RGS7: variants seen among roughly 807,000 people sequenced by gnomAD.
RGS7 encodes regulator of G-protein signaling 7.
Under a neutral mutation model 81.1 loss-of-function variants are expected in RGS7, and 27 were observed. The observed-to-expected ratio is 0.33, with a 90% confidence interval of 0.25 to 0.46. The LOEUF (loss-of-function observed/expected upper bound fraction) is 0.46, where lower values mean the gene tolerates loss of function less well. Among genes scored for constraint, RGS7 ranks in the 20% least tolerant of loss-of-function variants. RGS7 has a pLI of 1.00. For missense variants in RGS7, 396 were observed against 607.4 expected (o/e 0.65, Z 3.66); for synonymous variants, 208 against 207.7 (o/e 1.00, Z -0.01).
chr1:241,087,681 G>A lies in RGS7; in HGVS notation c.175+10985C>T, dbSNP rs141720560. Among the ~76,000 whole-genome samples, 917 of 152,186 alleles carry A rather than the reference G, an allele frequency of 6.0e-3. 9 individuals carry two copies. Among genetic ancestry groups the A allele is most frequent in the African/African-American group, 0.02 (838 of 41,514 alleles). On this transcript the variant is annotated intron_variant, in intron 3 of 18. Coordinates refer to ENST00000440928, the MANE Select transcript of RGS7 (RefSeq NM_001364886.1). Reference sequence around the variant, plus strand: ...ACCATATAAGAGGCTGGGTGCGGTGGCTCAGGCCTGTAACCCCAGCACTTT... The same window carrying A: ...ACCATATAAGAGGCTGGGTGCGGTGACTCAGGCCTGTAACCCCAGCACTTT...
intron 2 of RGS7, among the ~76,000 whole-genome samples, chr1:241,257,006 ATGTG>A (rs536255074): frequency 2.6e-5 from 4 of 151,494 alleles, no homozygotes; most frequent in Non-Finnish European, 5.9e-5. Flanking sequence ...ATGTGTATAT[ATGTG>A]TGTGTGTGTA....
chr1:240,973,397 C>G (rs1427543342), intron 4 of RGS7, among the ~76,000 whole-genome samples: 1 of 151,498 alleles, frequency 6.6e-6, no homozygotes, highest in Non-Finnish European at 1.5e-5. Context: ...CTAATCCCAG[C>G]TACTCAGGAG....
At chr1:241,272,410 C>T (rs1006069796) in intron 2 of RGS7, among the ~76,000 whole-genome samples, 2 of 152,184 alleles carry the variant, frequency 1.3e-5, no homozygotes, top group African/African-American at 2.4e-5. Flanking sequence ...TGTCCTCAAA[C>T]ATGCCAGGAT....
intron 3 of RGS7, among the ~76,000 whole-genome samples, chr1:241,077,998 T>C (rs965527327): frequency 2.0e-5 from 3 of 151,846 alleles, no homozygotes; most frequent in Non-Finnish European, 4.4e-5. Flanking sequence ...CACAGACCAC[T>C]GACTTATTGG....
chr1:241,141,653 G>A (rs977512570), intron 2 of RGS7, among the ~76,000 whole-genome samples: 1 of 152,062 alleles, frequency 6.6e-6, no homozygotes, highest in African/African-American at 2.4e-5. Context: ...GAACAGCATG[G>A]GGGTAACCAC....
chr1:240,780,181 T>C (rs952818350), intron 18 of RGS7, among the ~76,000 whole-genome samples: 4 of 152,166 alleles, frequency 2.6e-5, no homozygotes, highest in African/African-American at 9.7e-5. Flanking sequence ...GCATGGTGGC[T>C]CATGCTTGTA....
In RGS7 at chr1:241,135,736, G is replaced by T. The variant is rs191953403; in HGVS notation, c.79-36974C>A. On this transcript the variant is annotated intron_variant, in intron 2 of 18. Transcript: ENST00000440928. ...GGAACTCCTTCTCCCACGTGGTGTG[G>T]CCGGCCTCGTGTCTATTAAACTCTC... Among the ~76,000 whole-genome samples the T allele has an allele frequency of 5.4e-3, 820 of 151,908 alleles. 6 individuals are homozygous for T. Among genetic ancestry groups the T allele is most frequent in the Middle Eastern group, 0.01 (3 of 292 alleles).
At chr1:241,136,065 TGA>T (rs749784045) in intron 2 of RGS7, among the ~76,000 whole-genome samples, 5 of 152,062 alleles carry the variant, frequency 3.3e-5, no homozygotes, top group Non-Finnish European at 5.9e-5. Flanking sequence ...AAACAATATA[TGA>T]GTCTTTTTAA....
intron 3 of RGS7, among the ~76,000 whole-genome samples, chr1:241,062,383 A>C (rs2061786594): frequency 6.6e-6 from 1 of 152,212 alleles, no homozygotes; most frequent in Non-Finnish European, 1.5e-5. Context: ...AGATTCATCA[A>C]GTCCTCACTT....
intron 9 of RGS7, among the ~76,000 whole-genome samples, chr1:240,841,750 C>T (rs1977841): frequency 0.67 from 101,790 of 152,010 alleles, 34,473 homozygotes; most frequent in Middle Eastern, 0.76. Context: ...GCAACTTCTA[C>T]GACAAGAGTC....
chr1:241,304,335 C>G (rs891705359), intron 2 of RGS7, among the ~76,000 whole-genome samples: 16 of 152,088 alleles, frequency 1.1e-4, no homozygotes, highest in Admixed American at 1.0e-3. Context: ...TTATGGCTAC[C>G]TGGGAGAGCC....
chr1:241,227,185 T>C (rs2075356935), intron 2 of RGS7, among the ~76,000 whole-genome samples: 1 of 152,180 alleles, frequency 6.6e-6, no homozygotes, highest in East Asian at 1.9e-4. Flanking sequence ...CGTGCACACG[T>C]GCACTGAGAG....
chr1:241,049,121 T>G (rs971058605), intron 3 of RGS7, among the ~76,000 whole-genome samples: 3 of 152,194 alleles, frequency 2.0e-5, no homozygotes, highest in East Asian at 1.9e-4. Flanking sequence ...AAGACCCTAT[T>G]TCCAAGCAAG....
intron 2 of RGS7, among the ~76,000 whole-genome samples, chr1:241,213,713 T>C (rs532200874): frequency 6.6e-6 from 1 of 152,362 alleles, no homozygotes; most frequent in East Asian, 1.9e-4. Context: ...AACTCCACAA[T>C]ACTTTGTCAT....
chr1:241,133,692 G>A (rs1490266539), intron 2 of RGS7, among the ~76,000 whole-genome samples: 1 of 152,116 alleles, frequency 6.6e-6, no homozygotes, highest in East Asian at 1.9e-4. Context: ...TAGAAACATT[G>A]ACACAGTAGC....
intron 2 of RGS7, among the ~76,000 whole-genome samples, chr1:241,325,203 G>A (rs1220856128): frequency 6.6e-6 from 1 of 152,148 alleles, no homozygotes; most frequent in Non-Finnish European, 1.5e-5. Context: ...CTAGTTCAAG[G>A]TGAAAAACTT....
intron 3 of RGS7, among the ~76,000 whole-genome samples, chr1:241,089,020 C>CCTCTCTCTCTCTCTCTCT (rs1491281246): frequency 9.0e-4 from 41 of 45,424 alleles, no homozygotes; most frequent in Non-Finnish European, 1.2e-3. Context: ...AGCAAGACTC[C>CCTCTCTCTCTCTCTCTCT]ATCTCTCTCT....
intron 2 of RGS7, among the ~76,000 whole-genome samples, chr1:241,280,436 T>C (rs932820111): frequency 2.6e-5 from 4 of 152,236 alleles, no homozygotes; most frequent in Non-Finnish European, 5.9e-5. Flanking sequence ...TTTGTTTAAG[T>C]AGTTCTAGCA....
chr1:240,861,356 T>C (rs1417259854), intron 9 of RGS7, among the ~76,000 whole-genome samples: 1 of 152,106 alleles, frequency 6.6e-6, no homozygotes, highest in Admixed American at 6.6e-5. Context: ...AACCCTAAAC[T>C]AATAGACTGG....
Sources: gnomAD v4.1 joint callset for allele counts (sites outside exome capture counted in the v4.1 genomes callset) on GRCh38, gnomAD v4.1.1 for gene constraint, MANE v1.5 for transcripts, NCBI Gene and HGNC (gene_info 2026-07-23, HGNC 2026-07-21) for gene names.